Variants in RAB11FIP1 observed in about 807,000 individuals in gnomAD.
RAB11FIP1 encodes the protein RAB11 family interacting protein 1.
RAB11FIP1 carries 49 observed loss-of-function variants against 83.1 expected under a neutral mutation model. That is an observed-to-expected ratio of 0.59 (90% CI 0.47 to 0.75). The LOEUF is 0.75. Ranked by LOEUF, RAB11FIP1 falls within the 30% of genes least tolerant of loss-of-function variation. The pLI, the probability that RAB11FIP1 is intolerant of heterozygous loss-of-function variation, is 0.00. For missense variants in RAB11FIP1, 1,536 were observed against 1,598.7 expected (o/e 0.96, Z 0.67); for synonymous variants, 670 against 656.0 (o/e 1.02, Z -0.33).
intron 3 of RAB11FIP1, 123 bp downstream of exon 3, chr8:37,874,392 G>C: frequency 1.3e-6 from 1 of 778,274 alleles, no homozygotes; most frequent in Non-Finnish European, 2.1e-6. Flanking sequence ...ATTTAGACCA[G>C]CAAACCTTTG....
rs1807040291 is a variant in RAB11FIP1, at chr8:37,895,218, A to ATATAT, written c.371+3852_371+3853insATATA. Among the ~76,000 whole-genome samples the ATATAT allele has an allele frequency of 7.3e-4, 10 of 13,706 alleles. No individual in the cohort carries two copies. In the South Asian group the frequency reaches 0.01, roughly 14 times the overall value. The allele number at this position is 13,706 out of a possible 152,430, so 9.0% of individuals were successfully genotyped here. A position where few individuals can be genotyped will look rare whatever the true frequency, so the allele number is the denominator to read the frequency against. On this transcript the variant is annotated intron_variant, in intron 1 of 5. Transcript: ENST00000330843. The stretch of plus-strand genomic sequence containing the variant: ...ATAGCTGGGACTACAGGTGCCTGCC[A>ATATAT]ATATATATATATATATATATATATA...
At chr8:37,879,906 A>T (rs1432879681) in intron 1 of RAB11FIP1, among the ~76,000 whole-genome samples, 1 of 152,092 alleles carries the variant, frequency 6.6e-6, no homozygotes, top group Non-Finnish European at 1.5e-5. Context: ...AAAATGGTAA[A>T]TTTAATGTTA....
chr8:37,889,187 G>T (rs1396312791), intron 1 of RAB11FIP1, among the ~76,000 whole-genome samples: 2 of 152,090 alleles, frequency 1.3e-5, no homozygotes, highest in African/African-American at 2.4e-5. Flanking sequence ...GAAACAGAGG[G>T]CCCTCGAACT....
At chr8:37,888,678 A>G (rs1047060466) in intron 1 of RAB11FIP1, among the ~76,000 whole-genome samples, 21 of 151,024 alleles carry the variant, frequency 1.4e-4, no homozygotes, top group African/African-American at 4.6e-4. Context: ...GGGTCTCATC[A>G]TGTTGCTTAA....
rs1806490230 is a variant in RAB11FIP1, at chr8:37,872,432, C to G, written c.2370G>C (p.Lys790Asn). 6.2e-7 allele frequency: 1 copy of G among 1,614,068 alleles called. No individual in the cohort carries two copies. Among genetic ancestry groups the G allele is most frequent in the African/African-American group, 1.3e-5 (1 of 74,920 alleles). ...GGAGGTTCAGACCCATCTCTTCCAG[C>G]TTCCGCATCATGGAATCAATGGAAG... ...SVPSIDSMMR[K>N]LEEMGLNLRK... Residue 790 changes from lysine (K) to asparagine (N), a missense_variant, in exon 4 of 6, where the codon AAG becomes AAC. Physicochemically the swap from Lys to Asn is moderately conservative, Grantham distance 94 (BLOSUM62 0). Coordinates refer to ENST00000330843, the MANE Select transcript of RAB11FIP1 (RefSeq NM_001002814.3).
At position 37,875,027 on chromosome 8, in the gene RAB11FIP1, A is replaced by G. The variant is rs751399741; in HGVS notation, c.1110T>C (p.Ala370=). Residue 370 remains alanine (A), a synonymous_variant, in exon 3 of 6, where the codon GCT becomes GCC. Transcript: ENST00000330843. ...TGTCAGAAGACAGCCCACCTCCTTC[A>G]GCAGGCTCCTTCCAAGACCCAGCCG... The part of the protein sequence containing the change: ...NLAAGSWKEP[A]EGGGLSSDRQ... The G allele has an allele frequency of 3.7e-6, 6 of 1,614,158 alleles. No homozygotes were observed. Among genetic ancestry groups the G allele is most frequent in the South Asian group, 1.1e-5 (1 of 91,086 alleles).
rs575790976 is a variant in RAB11FIP1, at chr8:37,882,778, C to T, written c.372-5227G>A. Among the ~76,000 whole-genome samples, 3 of 152,242 alleles carry T rather than the reference C, an allele frequency of 2.0e-5. No individual in the cohort carries two copies. The East Asian group carries it at 5.8e-4, about 29-fold the overall frequency. Reference sequence around the variant, plus strand: ...ATTCCAAGGGCCAGCCTTGCCTTTCCGAAAGTATCAGTGAGGTTTTCTTTG... The same window carrying T: ...ATTCCAAGGGCCAGCCTTGCCTTTCTGAAAGTATCAGTGAGGTTTTCTTTG... On this transcript the variant is annotated intron_variant, in intron 1 of 5. Coordinates refer to ENST00000330843, the MANE Select transcript of RAB11FIP1 (RefSeq NM_001002814.3).
chr8:37,888,765 G>A (rs1806886465), intron 1 of RAB11FIP1, among the ~76,000 whole-genome samples: 1 of 147,590 alleles, frequency 6.8e-6, no homozygotes, highest in Non-Finnish European at 1.5e-5. Flanking sequence ...ACTGCACCCA[G>A]CCCCTCAGTG....
At chr8:37,898,969 CGCT>C (rs1349166041) in intron 1 of RAB11FIP1, 99 bp downstream of exon 1, 3 of 1,246,102 alleles carry the variant, frequency 2.4e-6, no homozygotes, top group Middle Eastern at 5.7e-4. Flanking sequence ...AGGCCTTCCC[CGCT>C]GCTGCCCGGC....
chr8:37,876,219 AAGG>A (rs1585436142), intron 2 of RAB11FIP1, among the ~76,000 whole-genome samples: 1 of 80,350 alleles, frequency 1.2e-5, no homozygotes, highest in Admixed American at 1.2e-4. Context: ...GAAAGAAAGG[AAGG>A]AAGGAAGGAA....
chr8:37,861,367 T>G lies in RAB11FIP1; in HGVS notation c.*1528A>C. On this transcript the variant is annotated 3_prime_UTR_variant, in exon 6 of 6. Coordinates refer to ENST00000330843, the MANE Select transcript of RAB11FIP1 (RefSeq NM_001002814.3). Reference sequence around the variant, plus strand: ...TGAGGCACCTGTTTTCTACTGACTTTTAACTTTTATTAACTACATTAAGCC... The same window carrying G: ...TGAGGCACCTGTTTTCTACTGACTTGTAACTTTTATTAACTACATTAAGCC... The G allele has an allele frequency of 7.4e-6, 2 of 270,866 alleles. No individual in the cohort carries two copies. The highest frequency in any genetic ancestry group is 7.3e-6 in the Non-Finnish European group (1 of 136,346). 16.8% of individuals were successfully genotyped at this position (270,866 alleles called of 1,614,324 possible). A position where few individuals can be genotyped will look rare whatever the true frequency, so the allele number is the denominator to read the frequency against.
intron 1 of RAB11FIP1, among the ~76,000 whole-genome samples, chr8:37,882,630 T>C (rs931044033): frequency 9.9e-5 from 15 of 152,202 alleles, no homozygotes; most frequent in African/African-American, 3.6e-4. Flanking sequence ...TACTTTGCTT[T>C]CTTAATAAAC....
chr8:37,884,438 G>A lies in RAB11FIP1; in HGVS notation c.372-6887C>T, dbSNP rs533776682. Among the ~76,000 whole-genome samples, 5 of 152,260 alleles carry A rather than the reference G, an allele frequency of 3.3e-5. No homozygotes were observed. The South Asian group carries it at 1.0e-3, about 32-fold the overall frequency. ...GGGTCTTGCTCTGTTGTCCAGGCTGGAGTACAGTGCACATTCATAGCTCAC... is the reference window on the plus strand; with the variant it reads ...GGGTCTTGCTCTGTTGTCCAGGCTGAAGTACAGTGCACATTCATAGCTCAC... On this transcript the variant is annotated intron_variant, in intron 1 of 5. Transcript: ENST00000330843.
At chr8:37,873,603 CAA>C (rs561503400) in intron 3 of RAB11FIP1, among the ~76,000 whole-genome samples, 1 of 139,008 alleles carries the variant, frequency 7.2e-6, no homozygotes, top group Non-Finnish European at 1.6e-5. Flanking sequence ...GAGACTGTCT[CAA>C]AAAAAAAAAG....
At chr8:37,893,416 CTGTTTTCTTCACCAT>C (rs1189618477) in intron 1 of RAB11FIP1, among the ~76,000 whole-genome samples, 1 of 152,126 alleles carries the variant, frequency 6.6e-6, no homozygotes, top group Non-Finnish European at 1.5e-5. Context: ...GGGATCATCC[CTGTTTTCTTCACCAT>C]TGTTTACACT....
rs145684732 is a variant in RAB11FIP1, at chr8:37,871,718, A to C, written c.3084T>G (p.Cys1028Trp). ...ADRLVLGEGL[C>W]DFRLQAPQAS... ...CCTGGGGTGCTTGCAGCCTGAAATC[A>C]CACAGGCCCTCCCCCAGTACCAACC... is the stretch of plus-strand genomic sequence containing the variant. The change falls in exon 4 of 6, where the codon TGT becomes TGG. Residue 1028 changes from cysteine (C) to tryptophan (W), a missense_variant. Physicochemically the swap from Cys to Trp is radical, Grantham distance 215. Transcript: ENST00000330843. 3 of 1,613,476 alleles carry C rather than the reference A, an allele frequency of 1.9e-6. No individual in the cohort carries two copies. The African/African-American group carries it at 4.0e-5, about 22-fold the overall frequency.
chr8:37,876,214 A>AAAGGAAGGAAGGAAGGAAGGAAGG (rs71216633), intron 2 of RAB11FIP1, among the ~76,000 whole-genome samples: 9 of 128,292 alleles, frequency 7.0e-5, no homozygotes, highest in African/African-American at 1.6e-4. Flanking sequence ...GAAAAGAAAG[A>AAAGGAAGGAAGGAAGGAAGGAAGG]AAGGAAGGAA....
Position 37,899,313 on chromosome 8 carries a change from C to T in RAB11FIP1, c.129G>A (p.Ala43=). Residue 43 remains alanine, a synonymous_variant, in exon 1 of 6, where the codon GCG becomes GCA. Coordinates refer to ENST00000330843, the MANE Select transcript of RAB11FIP1 (RefSeq NM_001002814.3). The surrounding 1 kb of genome is among the most constrained non-coding windows in gnomAD (Gnocchi z 4.5). ...ACTTCTCCTTGCCCACCTGGATCACCGCGTACGCGTCGCTCGTGCCCCCGG... is the reference window on the plus strand; with the variant it reads ...ACTTCTCCTTGCCCACCTGGATCACTGCGTACGCGTCGCTCGTGCCCCCGG... ...KGPGGTSDAY[A]VIQVGKEKYA... The T allele has an allele frequency of 1.2e-6, 2 of 1,609,686 alleles. No homozygotes were observed.
At chr8:37,881,078 A>G (rs1045812512) in intron 1 of RAB11FIP1, among the ~76,000 whole-genome samples, 1 of 152,220 alleles carries the variant, frequency 6.6e-6, no homozygotes, top group Non-Finnish European at 1.5e-5. Flanking sequence ...GGCACAGGGG[A>G]AAGTCGAAAC....
Sources: allele counts gnomAD v4.1 joint callset (sites outside exome capture counted in the v4.1 genomes callset), GRCh38; gene constraint gnomAD v4.1.1; non-coding constraint Gnocchi (gnomAD v3.1); transcripts MANE v1.5; gene names NCBI Gene and HGNC (gene_info 2026-07-23, HGNC 2026-07-21).